The following HIVEP3 variants were observed in gnomAD, a reference collection of about 807,000 sequenced individuals.
The protein encoded by HIVEP3 is HIVEP zinc finger 3.
In HIVEP3, 49 loss-of-function variants were observed where a neutral mutation model predicts 152.8. The ratio of observed to expected loss-of-function variants is 0.32; its 90% confidence interval spans 0.26 to 0.41. The LOEUF (loss-of-function observed/expected upper bound fraction) is 0.41. HIVEP3 is among the 10% of genes least tolerant of loss of function. HIVEP3 has a pLI of 1.00. For synonymous variants in HIVEP3, 1,269 were observed against 1,289.0 expected (o/e 0.98, Z 0.33); for missense variants, 2,790 against 3,103.3 (o/e 0.90, Z 2.40).
At position 41,583,964 on chromosome 1, in the gene HIVEP3, C is replaced by T; in HGVS notation, c.834G>A (p.Glu278=). 1 of 1,614,174 alleles carries T rather than the reference C, an allele frequency of 6.2e-7. No homozygotes were observed. The highest frequency in any genetic ancestry group is 8.5e-7 in the Non-Finnish European group (1 of 1,180,032). Residue 278 remains glutamate (E), a synonymous_variant, in exon 4 of 9, where the codon GAG becomes GAA. Transcript: ENST00000372583. The surrounding 1 kb of genome is among the most constrained non-coding windows in gnomAD (Gnocchi z 6.9). ...CCTCTTCAGAATCTGTGCTTTCTCC[C>T]TCAGTGGGCTCCTCAAACTCTTCCC... ...IPGEEFEEPT[E]GESTDSEEET...
chr1:41,947,907 G>T (rs1645084008), intron 1 of HIVEP3, among the ~76,000 whole-genome samples: 1 of 152,264 alleles, frequency 6.6e-6, no homozygotes, highest in South Asian at 2.1e-4. Flanking sequence ...CATACTCACT[G>T]CTAAAGAAGA....
chr1:41,885,262 C>T (rs1400863204), intron 1 of HIVEP3, among the ~76,000 whole-genome samples: 1 of 152,210 alleles, frequency 6.6e-6, no homozygotes, highest in Non-Finnish European at 1.5e-5. Context: ...CTTTCCGTTT[C>T]CTGCTCTCCA....
At chr1:41,746,201 A>G (rs1457857729) in intron 1 of HIVEP3, among the ~76,000 whole-genome samples, 2 of 151,950 alleles carry the variant, frequency 1.3e-5, no homozygotes, top group Non-Finnish European at 2.9e-5. Flanking sequence ...GTATTTAGAG[A>G]AAAAAAAATC....
intron 2 of HIVEP3, among the ~76,000 whole-genome samples, chr1:41,679,371 A>T (rs1346800854): frequency 2.6e-5 from 4 of 152,190 alleles, no homozygotes; most frequent in Non-Finnish European, 5.9e-5. Context: ...TCAGAATCCA[A>T]ATCCAGCACT....
intron 1 of HIVEP3, among the ~76,000 whole-genome samples, chr1:41,765,001 T>C (rs144172395): frequency 2.0e-5 from 3 of 152,348 alleles, no homozygotes; most frequent in African/African-American, 7.2e-5. Flanking sequence ...AAAACTGTCA[T>C]GTCAACTGTG....
chr1:41,806,440 G>C (rs535870559), intron 1 of HIVEP3, among the ~76,000 whole-genome samples: 34 of 152,326 alleles, frequency 2.2e-4, no homozygotes, highest in Non-Finnish European at 4.3e-4. Context: ...CCCCGGCATG[G>C]AGCCCCTGCT....
At chr1:42,012,237 C>G (rs1210259325) in intron 1 of HIVEP3, among the ~76,000 whole-genome samples, 1 of 152,210 alleles carries the variant, frequency 6.6e-6, no homozygotes, top group Admixed American at 6.5e-5. Flanking sequence ...ATAGATGTCT[C>G]TTAAAATTGG....
intron 1 of HIVEP3, among the ~76,000 whole-genome samples, chr1:41,702,867 A>G (rs554738439): frequency 1.4e-4 from 22 of 152,298 alleles, no homozygotes; most frequent in Non-Finnish European, 2.6e-4. Context: ...AAAAACCCCA[A>G]CAGATGTCCT....
chr1:41,905,498 A>C (rs1417577367), intron 1 of HIVEP3, among the ~76,000 whole-genome samples: 11 of 152,166 alleles, frequency 7.2e-5, no homozygotes, highest in Admixed American at 3.3e-4. Flanking sequence ...ATTCAACAAC[A>C]TAGTATTCCC....
intron 3 of HIVEP3, among the ~76,000 whole-genome samples, chr1:41,607,991 C>A (rs1260552632): frequency 6.6e-6 from 1 of 152,218 alleles, no homozygotes; most frequent in African/African-American, 2.4e-5. Flanking sequence ...CTCACACGAG[C>A]CCATGGCCAC....
rs1051235895 is a variant in HIVEP3, at chr1:41,979,122, CA to C, written n.119+56684del. On this transcript the variant is annotated intron_variant and non_coding_transcript_variant, in intron 1 of 3. Coordinates refer to the HIVEP3 transcript ENST00000489103. ...GGAACTTGTTAGAAACACAAATTCT[CA>C]GGCCCCACCTCTACCCTCTTGGATC... Among the ~76,000 whole-genome samples the C allele has an allele frequency of 4.6e-5, 7 of 152,294 alleles. No individual in the cohort carries two copies. The East Asian group carries it at 5.8e-4, about 13-fold the overall frequency.
intron 2 of HIVEP3, among the ~76,000 whole-genome samples, chr1:41,685,714 T>C (rs922459030): frequency 3.3e-5 from 5 of 152,262 alleles, no homozygotes; most frequent in Admixed American, 1.3e-4. Context: ...TAAATAAATA[T>C]ACTTGAACTT....
At chr1:41,860,094 A>G (rs551900923) in intron 1 of HIVEP3, among the ~76,000 whole-genome samples, 6 of 152,304 alleles carry the variant, frequency 3.9e-5, no homozygotes, top group African/African-American at 1.2e-4. Flanking sequence ...GCGGATCAAC[A>G]ACTGGATTCT....
intron 1 of HIVEP3, among the ~76,000 whole-genome samples, chr1:41,708,819 A>C (rs1646471186): frequency 6.6e-6 from 1 of 152,208 alleles, no homozygotes; most frequent in Non-Finnish European, 1.5e-5. Context: ...CAAGTCAAGT[A>C]CTAGAAGCAA....
In HIVEP3 at chr1:41,685,659, C is replaced by T. The variant is rs148515944; in HGVS notation, c.-721+15257G>A. The stretch of plus-strand genomic sequence containing the variant: ...TGTAGCACTTACTATATCACAAACC[C>T]GATTTCTACCTTGAATCCTTTTTGG... On this transcript the variant is annotated intron_variant, in intron 2 of 8. Coordinates refer to ENST00000372583, the MANE Select transcript of HIVEP3 (RefSeq NM_024503.5). 9.1e-3 allele frequency among the ~76,000 whole-genome samples: 1,385 copies of T among 152,318 alleles called. 14 individuals carry two copies. The highest frequency in any genetic ancestry group is 0.029 in the African/African-American group (1,195 of 41,560).
intron 1 of HIVEP3, among the ~76,000 whole-genome samples, chr1:41,965,894 T>G (rs560405658): frequency 6.6e-6 from 1 of 152,186 alleles, no homozygotes; most frequent in South Asian, 2.1e-4. Flanking sequence ...AGTAAAATAC[T>G]CCATGAGAAG....
intron 5 of HIVEP3, 74 bp from the exon 6 acceptor site, chr1:41,524,984 C>T (rs528929882): frequency 1.4e-4 from 184 of 1,358,286 alleles, no homozygotes; most frequent in African/African-American, 3.9e-4. Flanking sequence ...AAGACGCACG[C>T]GCTTCCTAGA....
intron 1 of HIVEP3, among the ~76,000 whole-genome samples, chr1:42,015,835 T>TCA (rs1645519038): frequency 6.6e-6 from 1 of 152,264 alleles, no homozygotes; most frequent in South Asian, 2.1e-4. Flanking sequence ...AGTGAATAAC[T>TCA]GGAAACAGTA....
chr1:41,913,934 G>A (rs531216514), intron 1 of HIVEP3, among the ~76,000 whole-genome samples: 64 of 152,144 alleles, frequency 4.2e-4, no homozygotes, highest in African/African-American at 5.3e-4. Context: ...AGGGTCCACC[G>A]ATGCTCAGAG....
Sources: gnomAD v4.1 joint callset for allele counts (sites outside exome capture counted in the v4.1 genomes callset) on GRCh38, gnomAD v4.1.1 for gene constraint, Gnocchi (gnomAD v3.1) non-coding constraint, MANE v1.5 for transcripts, NCBI Gene and HGNC (gene_info 2026-07-23, HGNC 2026-07-21) for gene names.